CDSN: variants seen among roughly 807,000 people sequenced by gnomAD.
The protein encoded by CDSN is corneodesmosin, also known as S protein.
A neutral mutation model predicts 25.6 loss-of-function variants in CDSN; 11 were observed. That is an observed-to-expected ratio of 0.43 (90% CI 0.27 to 0.71). CDSN has a LOEUF of 0.71. CDSN is among the 30% of genes least tolerant of loss of function. CDSN has a pLI of 0.20. For synonymous variants in CDSN, 266 were observed against 267.4 expected, an observed-to-expected ratio of 0.99 and a Z score of 0.05; for missense variants, 598 against 670.9, an observed-to-expected ratio of 0.89 and a Z score of 1.20.
In CDSN at chr6:31,116,243, G is replaced by A; in HGVS notation, c.1372C>T (p.Pro458Ser). 6.2e-7 allele frequency: 1 copy of A among 1,614,052 alleles called. No homozygotes were observed. The highest frequency in any genetic ancestry group is 1.1e-5 in the South Asian group (1 of 91,078). The change falls in exon 2 of 2, where the codon CCT becomes TCT. Residue 458 changes from proline (P) to serine (S), a missense_variant. Transcript: ENST00000376288. Reference sequence around the variant, plus strand: ...GTCAAGGAGGAGACAGACATGCAAGGGTGACCAGAAGAGCTGGACTTGCTG... The same window carrying A: ...GTCAAGGAGGAGACAGACATGCAAGAGTGACCAGAAGAGCTGGACTTGCTG... ...CGSKSSSSGH[P>S]CMSVSSLTLT...
At position 31,117,475 on chromosome 6, in the gene CDSN, C is replaced by T. The variant is rs370680006; in HGVS notation, c.140G>A (p.Arg47His). ...GCAGGGGTCGTTAGGGGAGGTGATA[C>T]GCGTGGGGTCCTTACAAGGGTCTGA... Reference protein sequence around the residue: ...TFSDPCKDPTRITSPNDPCLT... With the variant: ...TFSDPCKDPTHITSPNDPCLT... Residue 47 changes from arginine (R) to histidine (H), a missense_variant, in exon 2 of 2, where the codon CGT becomes CAT. Arg to His is a conservative substitution (Grantham distance 29, BLOSUM62 0). Coordinates refer to ENST00000376288, the MANE Select transcript of CDSN (RefSeq NM_001264.5). The T allele has an allele frequency of 2.6e-5, 40 of 1,553,032 alleles. No homozygotes were observed. The highest frequency in any genetic ancestry group is 2.2e-4 in the African/African-American group (16 of 73,300).
intron 1 of CDSN, among the ~76,000 whole-genome samples, chr6:31,119,289 C>T (rs1283609767): frequency 6.6e-6 from 1 of 152,184 alleles, no homozygotes; most frequent in Non-Finnish European, 1.5e-5. Flanking sequence ...ACCTCCACGC[C>T]GAACCCCAGC....
rs748961989 is a variant in CDSN at position 31,116,956 on chromosome 6, G to A, written c.659C>T (p.Ser220Leu). ...SVSSNQRPCS[S>L]DIPDSPCSGG... Reference sequence around the variant, plus strand: ...ACTGCAGGGAGAGTCGGGGATGTCCGAACTACAGGGACGCTGGTTGGAGCT... The same window carrying A: ...ACTGCAGGGAGAGTCGGGGATGTCCAAACTACAGGGACGCTGGTTGGAGCT... Residue 220 changes from serine to leucine, a missense_variant, in exon 2 of 2, where the codon TCG becomes TTG. Ser to Leu is a moderately radical substitution (Grantham distance 145, BLOSUM62 -2). Transcript: ENST00000376288. The A allele has an allele frequency of 1.2e-6, 2 of 1,614,212 alleles. No individual in the cohort carries two copies. Among genetic ancestry groups the A allele is most frequent in the East Asian group, 2.2e-5 (1 of 44,878 alleles).
rs370680006 is a variant in CDSN, at chr6:31,117,475, C to A, written c.140G>T (p.Arg47Leu). ...GCAGGGGTCGTTAGGGGAGGTGATA[C>A]GCGTGGGGTCCTTACAAGGGTCTGA... is the stretch of plus-strand genomic sequence containing the variant. ...TFSDPCKDPTRITSPNDPCLT... is the reference protein window; with the variant it reads ...TFSDPCKDPTLITSPNDPCLT... Residue 47 changes from arginine to leucine, a missense_variant, in exon 2 of 2, where the codon CGT becomes CTT. Transcript: ENST00000376288. The A allele has an allele frequency of 1.3e-6, 2 of 1,553,032 alleles. No homozygotes were observed. The highest frequency in any genetic ancestry group is 1.7e-6 in the Non-Finnish European group (2 of 1,148,324).
intron 1 of CDSN, 187 bp from the exon 2 acceptor site, chr6:31,117,716 C>T: frequency 1.6e-6 from 1 of 613,298 alleles, no homozygotes; most frequent in East Asian, 2.8e-5. Flanking sequence ...CGAATAAAGG[C>T]ATTTCTTTGT....
At position 31,115,933 on chromosome 6, in the gene CDSN, C is replaced by T; in HGVS notation, c.*92G>A. ...TTGGGAAGGAGGGAAACTGAGCTAA[C>T]CCTATGCCTGGGCACTGGACTTCTC... is the stretch of plus-strand genomic sequence containing the variant. On this transcript the variant is annotated 3_prime_UTR_variant, in exon 2 of 2. Transcript: ENST00000376288. The surrounding 1 kb of genome is among the most constrained non-coding windows in gnomAD (Gnocchi z 4.2). The T allele has an allele frequency of 8.6e-7, 1 of 1,167,994 alleles. No homozygotes were observed. Among genetic ancestry groups the T allele is most frequent in the South Asian group, 1.3e-5 (1 of 79,430 alleles). 72.4% of individuals were successfully genotyped at this position (1,167,994 alleles called of 1,614,324 possible).
At position 31,117,417 on chromosome 6, in the gene CDSN, A is replaced by G. The variant is rs762066141; in HGVS notation, c.198T>C (p.Ser66=). The change falls in exon 2 of 2, where the codon AGT becomes AGC. Residue 66 remains serine (S), a synonymous_variant. Transcript: ENST00000376288. ...CAGAACTGCTGGAGCCACTGTAGCT[A>G]CTGAAACCGCTGGAGTCACCCTTCC... ...LTGKGDSSGF[S]SYSGSSSSGS... The G allele has an allele frequency of 7.0e-6, 11 of 1,564,948 alleles. No individual in the cohort carries two copies. Among genetic ancestry groups the G allele is most frequent in the Non-Finnish European group, 9.5e-6 (11 of 1,155,084 alleles).
intron 1 of CDSN, 141 bp from the exon 2 acceptor site, chr6:31,117,670 G>T: frequency 2.8e-6 from 2 of 725,484 alleles, no homozygotes; most frequent in Non-Finnish European, 4.8e-6. Flanking sequence ...AAAGGAGGAA[G>T]AACTGGCTAT....
In CDSN at chr6:31,117,114, G is replaced by C. The variant is rs773866444; in HGVS notation, c.501C>G (p.Ser167Arg). 3 of 1,614,058 alleles carry C rather than the reference G, an allele frequency of 1.9e-6. No individual in the cohort carries two copies. In the Admixed American group the frequency reaches 5.0e-5, roughly 27 times the overall value. The change falls in exon 2 of 2, where the codon AGC becomes AGG. Residue 167 changes from serine to arginine, a missense_variant. By Grantham distance (110) the Ser-to-Arg change is moderately radical. Coordinates refer to ENST00000376288, the MANE Select transcript of CDSN (RefSeq NM_001264.5). ...SSSSFQFSSSSFQVGNGSALP... is the reference protein window; with the variant it reads ...SSSSFQFSSSRFQVGNGSALP... The stretch of plus-strand genomic sequence containing the variant: ...GAGCAGAGCCATTCCCTACTTGGAA[G>C]CTGCTGCTGCTGAACTGAAAGCTGC...
Position 31,117,375 on chromosome 6 carries a change from A to T in CDSN, c.240T>A (p.Ser80Arg), listed in dbSNP as rs776244894. ...GSSSSGSSIS[S>R]ARSSGGGSSG... The stretch of plus-strand genomic sequence containing the variant: ...TGGAGCCACCACCAGAGCTTCTGGC[A>T]CTGGAAATGGAGCTGCCAGAACTGC... The change falls in exon 2 of 2, where the codon AGT (serine) becomes AGA (arginine). Residue 80 changes from serine to arginine, a missense_variant. By Grantham distance (110) the Ser-to-Arg change is moderately radical. Transcript: ENST00000376288. 8.3e-6 allele frequency: 13 copies of T among 1,573,776 alleles called. No individual in the cohort carries two copies. The highest frequency in any genetic ancestry group is 8.6e-6 in the Non-Finnish European group (10 of 1,159,670).
rs1359581521 is a variant in CDSN at position 31,117,029 on chromosome 6, A to G, written c.586T>C (p.Ser196Pro). ...ILNPSQPGQS[S>P]SSSQTFGVSS... ...ACCCCAAAGGTCTGGGAAGAGGAAG[A>G]GCTTTGTCCAGGCTGGGAAGGGTTT... Residue 196 changes from serine (S) to proline (P), a missense_variant, in exon 2 of 2, where the codon TCT becomes CCT. Physicochemically the swap from Ser to Pro is moderately conservative, Grantham distance 74. Transcript: ENST00000376288. 1 of 1,614,172 alleles carries G rather than the reference A, an allele frequency of 6.2e-7. No individual in the cohort carries two copies. The highest frequency in any genetic ancestry group is 1.1e-5 in the South Asian group (1 of 91,080).
chr6:31,118,832 T>C (rs1300541303), intron 1 of CDSN: 1 of 125,444 alleles, frequency 8.0e-6, no homozygotes, highest in Non-Finnish European at 1.7e-5. Context: ...TGGAAGTTTT[T>C]TCTTCTTCTT....
chr6:31,115,757 C>T lies in CDSN; in HGVS notation c.*268G>A. On this transcript the variant is annotated 3_prime_UTR_variant, in exon 2 of 2. Coordinates refer to ENST00000376288, the MANE Select transcript of CDSN (RefSeq NM_001264.5). This position sits in a 1 kb window ranked among gnomAD's most constrained non-coding sequence, Gnocchi z 4.2. ...GGAATTGTAAGGGGTGGTGATCTGG[C>T]TGAGGGGCACTGTGGTGGAATGGGA... The T allele has an allele frequency of 1.9e-6, 1 of 534,634 alleles. No homozygotes were observed. The highest frequency in any genetic ancestry group is 3.1e-5 in the Admixed American group (1 of 32,320). The allele number at this position is 534,634 out of a possible 1,614,324, so 33.1% of individuals were successfully genotyped here. A position where few individuals can be genotyped will look rare whatever the true frequency, so the allele number is the denominator to read the frequency against.
At position 31,116,202 on chromosome 6, in the gene CDSN, G is replaced by A. The variant is rs199905483; in HGVS notation, c.1413C>T (p.Pro471=). Reference sequence around the variant, plus strand: ...AGGGATCAGGATGGGGAGAGCCATCGGGGCCCCCAGTCAGTGTCAAGGAGG... The same window carrying A: ...AGGGATCAGGATGGGGAGAGCCATCAGGGCCCCCAGTCAGTGTCAAGGAGG... ...SVSSLTLTGG[P]DGSPHPDPSA... The change falls in exon 2 of 2, where the codon CCC becomes CCT. Residue 471 remains proline, a synonymous_variant. Transcript: ENST00000376288. 363 of 1,613,706 alleles carry A rather than the reference G, an allele frequency of 2.2e-4. 1 individual carries two copies. Among genetic ancestry groups the A allele is most frequent in the South Asian group, 1.7e-3 (157 of 91,086 alleles).
rs754666826 is a variant in CDSN at position 31,116,697 on chromosome 6, A to G, written c.918T>C (p.Tyr306=). The change falls in exon 2 of 2, where the codon TAT becomes TAC. Residue 306 remains tyrosine, a synonymous_variant. Transcript: ENST00000376288. ...YEVVGGSSDS[Y]LVPGMTYSKG... ...TACTGTAGGTCATGCCTGGAACCAG[A>G]TAACTGTCAGAGGAGCCACCCACCA... The G allele has an allele frequency of 3.7e-6, 6 of 1,612,754 alleles. No homozygotes were observed. The Admixed American group carries it at 1.0e-4, about 27-fold the overall frequency.
intron 1 of CDSN, among the ~76,000 whole-genome samples, chr6:31,119,113 G>A (rs1263977270): frequency 6.6e-6 from 1 of 151,868 alleles, no homozygotes; most frequent in Admixed American, 6.6e-5. Flanking sequence ...TGAAATGTTG[G>A]GATTACAGGC....
rs755757570 is a variant in CDSN, at chr6:31,120,375, G to A, written c.45C>T (p.His15=). The change falls in exon 1 of 2, where the codon CAC becomes CAT. Residue 15 remains histidine (H), a synonymous_variant. Transcript: ENST00000376288. ...RAPWMGRVGG[H]GMMALLLAGL... is the part of the protein sequence containing the mutation. ...CAGCCAGCAGCAGTGCCATCATCCC[G>A]TGCCCACCCACACGCCCCATCCAGG... The A allele has an allele frequency of 7.5e-6, 12 of 1,594,034 alleles. No homozygotes were observed. The highest frequency in any genetic ancestry group is 1.7e-5 in the Admixed American group (1 of 57,254).
intron 1 of CDSN, among the ~76,000 whole-genome samples, chr6:31,119,863 G>A (rs1581842385): frequency 2.0e-5 from 3 of 152,130 alleles, no homozygotes; most frequent in Admixed American, 6.5e-5. Flanking sequence ...CCGAGATTAC[G>A]CCACTGCACT....
At position 31,116,007 on chromosome 6, in the gene CDSN, C is replaced by T. The variant is rs1281438652; in HGVS notation, c.*18G>A. The T allele has an allele frequency of 2.6e-6, 4 of 1,565,604 alleles. No individual in the cohort carries two copies. Among genetic ancestry groups the T allele is most frequent in the Non-Finnish European group, 3.4e-6 (4 of 1,162,332 alleles). ...CTTGTTTGTGCCCAAGGCATGCACA[C>T]ACACAACAGTTGACTTCTTATGGAC... On this transcript the variant is annotated 3_prime_UTR_variant, in exon 2 of 2. Transcript: ENST00000376288.
Sources: allele counts gnomAD v4.1 joint callset (sites outside exome capture counted in the v4.1 genomes callset), GRCh38; gene constraint gnomAD v4.1.1; non-coding constraint Gnocchi (gnomAD v3.1); transcripts MANE v1.5; gene names NCBI Gene and HGNC (gene_info 2026-07-23, HGNC 2026-07-21).